The following RAPGEF2 variants were observed in gnomAD, a reference collection of about 807,000 sequenced individuals.
RAPGEF2 encodes Rap guanine nucleotide exchange factor 2.
Under a neutral mutation model 186.7 loss-of-function variants are expected in RAPGEF2, and 54 were observed. That is an observed-to-expected ratio of 0.29 (90% confidence interval 0.23 to 0.36). The LOEUF is 0.36. RAPGEF2 is among the 10% of genes least tolerant of loss of function. The pLI, the probability that RAPGEF2 is intolerant of heterozygous loss-of-function variation, is 1.00. For missense variants in RAPGEF2, 1,532 were observed against 2,045.0 expected, an observed-to-expected ratio of 0.75 and a Z score of 4.84; for synonymous variants, 712 against 705.9, an observed-to-expected ratio of 1.01 and a Z score of -0.14.
intron 7 of RAPGEF2, among the ~76,000 whole-genome samples, chr4:159,253,967 T>TG: frequency 6.6e-6 from 1 of 152,172 alleles, no homozygotes. Flanking sequence ...TGTTTTTCTG[T>TG]GAAAAAAAGG....
chr4:159,182,476 A>G (rs1747125944), intron 1 of RAPGEF2, among the ~76,000 whole-genome samples: 2 of 143,020 alleles, frequency 1.4e-5, no homozygotes. Context: ...GCTCACTGCA[A>G]CCTCCTTCTC....
At chr4:159,332,824 G>T in intron 17 of RAPGEF2, 127 bp downstream of exon 17, 3 of 1,163,892 alleles carry the variant, frequency 2.6e-6, no homozygotes, top group Non-Finnish European at 3.6e-6. Context: ...GAGCTATTTT[G>T]GAAGCAGTAT....
chr4:159,275,286 C>A (rs1001880589), intron 7 of RAPGEF2, among the ~76,000 whole-genome samples: 8 of 152,088 alleles, frequency 5.3e-5, no homozygotes, highest in African/African-American at 1.9e-4. Flanking sequence ...GGATATTCAT[C>A]ATAAAGGCTG....
intron 9 of RAPGEF2, among the ~76,000 whole-genome samples, chr4:159,315,961 A>T (rs1764542313): frequency 6.6e-6 from 1 of 152,102 alleles, no homozygotes; most frequent in African/African-American, 2.4e-5. Flanking sequence ...GAGGTGGAGG[A>T]GCAGAGTCTT....
intron 7 of RAPGEF2, among the ~76,000 whole-genome samples, chr4:159,302,653 T>G (rs1344441823): frequency 1.3e-5 from 2 of 152,202 alleles, no homozygotes; most frequent in Non-Finnish European, 2.9e-5. Flanking sequence ...CCTGAAGAAG[T>G]CCTGCAAATA....
chr4:159,248,447 G>A (rs777117639), intron 7 of RAPGEF2, among the ~76,000 whole-genome samples: 2 of 152,082 alleles, frequency 1.3e-5, no homozygotes, highest in Non-Finnish European at 2.9e-5. Context: ...TGCTTTTCAC[G>A]CCCATTATCG....
chr4:159,291,421 T>C (rs1471525836), intron 7 of RAPGEF2, among the ~76,000 whole-genome samples: 1 of 152,082 alleles, frequency 6.6e-6, no homozygotes, highest in East Asian at 1.9e-4. Flanking sequence ...TCAGCCTCCT[T>C]AGTAGCTGGG....
chr4:159,242,663 T>A (rs917882094), intron 6 of RAPGEF2, among the ~76,000 whole-genome samples: 4 of 151,970 alleles, frequency 2.6e-5, no homozygotes, highest in African/African-American at 9.7e-5. Flanking sequence ...TCTTTGTCTG[T>A]TGGAGAGACT....
chr4:159,225,083 G>C (rs1247840222), intron 4 of RAPGEF2, among the ~76,000 whole-genome samples: 1 of 152,172 alleles, frequency 6.6e-6, no homozygotes, highest in African/African-American at 2.4e-5. Context: ...GGAGCTACAG[G>C]GGATATAAAG....
At chr4:159,211,009 A>AT (rs1750466824) in intron 4 of RAPGEF2, among the ~76,000 whole-genome samples, 1 of 152,142 alleles carries the variant, frequency 6.6e-6, no homozygotes, top group Non-Finnish European at 1.5e-5. Context: ...TTTCATTGAC[A>AT]TTTTTTGCTT....
At chr4:159,267,387 G>A (rs1757550656) in intron 7 of RAPGEF2, 1 of 1,203,664 alleles carries the variant, frequency 8.3e-7, no homozygotes, top group Admixed American at 2.3e-5. Flanking sequence ...TGCATGTGCT[G>A]TGTTTCTGTT....
chr4:159,246,659 C>T (rs1161227286), intron 7 of RAPGEF2, among the ~76,000 whole-genome samples: 3 of 152,108 alleles, frequency 2.0e-5, no homozygotes, highest in East Asian at 1.9e-4. Context: ...ATTTAGTTTC[C>T]GTGATTGTGC....
At chr4:159,177,671 G>A (rs1025584815) in intron 1 of RAPGEF2, among the ~76,000 whole-genome samples, 1 of 152,134 alleles carries the variant, frequency 6.6e-6, no homozygotes, top group Non-Finnish European at 1.5e-5. Flanking sequence ...CTTAACCATA[G>A]CATATCCACT....
chr4:159,262,619 G>C (rs949048401), intron 7 of RAPGEF2, among the ~76,000 whole-genome samples: 20 of 152,156 alleles, frequency 1.3e-4, no homozygotes, highest in African/African-American at 4.6e-4. Context: ...AGCCCCACAT[G>C]GGAATTTCTC....
rs200127604 is a variant in RAPGEF2, at chr4:159,230,841, T to C, written c.282-7968T>C. 3.7e-3 allele frequency among the ~76,000 whole-genome samples: 564 copies of C among 152,290 alleles called. 3 individuals carry two copies. The highest frequency in any genetic ancestry group is 0.013 in the African/African-American group (540 of 41,576). ...GTTTGTGTACTTGTCATCCATGGAA[T>C]ATAAACTACTTAAGAAGAGGGACTA... is the stretch of plus-strand genomic sequence containing the variant. On this transcript the variant is annotated intron_variant, in intron 4 of 29. Coordinates refer to ENST00000691494, the MANE Select transcript of RAPGEF2 (RefSeq NM_001394067.2).
At chr4:159,225,674 C>T (rs1028597520) in intron 4 of RAPGEF2, among the ~76,000 whole-genome samples, 1 of 152,146 alleles carries the variant, frequency 6.6e-6, no homozygotes, top group Non-Finnish European at 1.5e-5. Context: ...CATCTTAGCT[C>T]TTCTAGTAGA....
intron 20 of RAPGEF2, among the ~76,000 whole-genome samples, chr4:159,342,553 A>ATTTTATTTTATTTTATT (rs1554041228): frequency 2.2e-4 from 16 of 71,962 alleles, no homozygotes; most frequent in East Asian, 1.7e-3. Flanking sequence ...TTTATTTTAT[A>ATTTTATTTTATTTTATT]TTATTTTATT....
Position 159,332,741 on chromosome 4 carries a change from A to T in RAPGEF2, c.2135+44A>T, listed in dbSNP as rs773271596. The T allele has an allele frequency of 4.0e-5, 63 of 1,592,092 alleles. 1 individual carries two copies. The South Asian group carries it at 7.0e-4, about 18-fold the overall frequency. On this transcript the variant is annotated intron_variant, in intron 17 of 29. Coordinates refer to ENST00000691494, the MANE Select transcript of RAPGEF2 (RefSeq NM_001394067.2). ...CTTCTGTGCATTATTTTATTTTGTT[A>T]AAATGATATGCAAAGATAGTGATGT...
chr4:159,299,079 A>C (rs2111016248), intron 7 of RAPGEF2, among the ~76,000 whole-genome samples: 1 of 152,270 alleles, frequency 6.6e-6, no homozygotes. Flanking sequence ...AAGACTCAAA[A>C]CCCTGACAAT....
Sources: gnomAD v4.1 joint callset for allele counts (sites outside exome capture counted in the v4.1 genomes callset) on GRCh38, gnomAD v4.1.1 for gene constraint, MANE v1.5 for transcripts, NCBI Gene and HGNC (gene_info 2026-07-23, HGNC 2026-07-21) for gene names.